MYH11: variants seen among roughly 807,000 people sequenced by gnomAD.
MYH11 encodes myosin-11.
MYH11 carries 80 observed loss-of-function variants against 246.6 expected under a neutral mutation model. The ratio of observed to expected loss-of-function variants is 0.32; its 90% confidence interval spans 0.27 to 0.39. MYH11 has a LOEUF of 0.39. MYH11 is among the 10% of genes least tolerant of loss of function. MYH11 has a pLI of 1.00. For synonymous variants in MYH11, 1,071 were observed against 1,015.5 expected (o/e 1.05, Z -1.04); for missense variants, 2,158 against 2,546.8 (o/e 0.85, Z 3.29).
intron 7 of MYH11, 56 bp downstream of exon 7, chr16:15,778,724 A>C: frequency 2.5e-5 from 38 of 1,529,790 alleles, no homozygotes; most frequent in Non-Finnish European, 3.1e-5. Flanking sequence ...GCCTCTGGGC[A>C]GGAGATTGGT....
At chr16:15,847,248 T>C (rs76856793) in intron 1 of MYH11, among the ~76,000 whole-genome samples, 1 of 33,406 alleles carries the variant, frequency 3.0e-5, no homozygotes, top group Admixed American at 4.7e-4. Context: ...GTGGACTTCT[T>C]TTTTTTTTTT....
chr16:15,720,771 T>C, intron 33 of MYH11, 68 bp downstream of exon 33: 3 of 1,467,044 alleles, frequency 2.0e-6, no homozygotes, highest in Non-Finnish European at 2.9e-6. Flanking sequence ...ACACCAACCA[T>C]GAGAGTGGTG....
At position 15,759,636 on chromosome 16, in the gene MYH11, G is replaced by A. The variant is rs200660016; in HGVS notation, c.1341C>T (p.Thr447=). 2.7e-5 allele frequency: 44 copies of A among 1,614,064 alleles called. No individual in the cohort carries two copies. Among genetic ancestry groups the A allele is most frequent in the Non-Finnish European group, 3.5e-5 (41 of 1,180,038 alleles). ...CCAGGAAGGAAGCCCCTTGCCGATGGGTCTTGTCCAGGGCTTTGTTCACGC... is the reference window on the plus strand; with the variant it reads ...CCAGGAAGGAAGCCCCTTGCCGATGAGTCTTGTCCAGGGCTTTGTTCACGC... ...LTRVNKALDK[T]HRQGASFLGI... The change falls in exon 12 of 41, where the codon ACC becomes ACT. Residue 447 remains threonine (T), a synonymous_variant. Transcript: ENST00000300036.
At chr16:15,758,963 CA>C (rs564088648) in intron 12 of MYH11, among the ~76,000 whole-genome samples, 81 of 97,350 alleles carry the variant, frequency 8.3e-4, no homozygotes, top group Middle Eastern at 7.1e-3. Context: ...GACTCTGTCT[CA>C]AAAAAAAAAA....
chr16:15,755,524 C>G (rs1567731692), intron 14 of MYH11, among the ~76,000 whole-genome samples: 1 of 152,160 alleles, frequency 6.6e-6, no homozygotes, highest in Admixed American at 6.5e-5. Flanking sequence ...TACAGTGGCT[C>G]GTGCTCATAA....
intron 37 of MYH11, 40 bp from the exon 38 acceptor site, chr16:15,717,388 A>C: frequency 6.3e-7 from 1 of 1,595,662 alleles, no homozygotes; most frequent in African/African-American, 1.3e-5. Flanking sequence ...GACTCAGGGA[A>C]GCCCAAGAGA....
rs1463240400 is a variant in MYH11, at chr16:15,724,173, C to A, written c.4353G>T (p.Arg1451Ser). 6.2e-7 allele frequency: 1 copy of A among 1,613,720 alleles called. No individual in the cohort carries two copies. Among genetic ancestry groups the A allele is most frequent in the South Asian group, 1.1e-5 (1 of 91,052 alleles). The change falls in exon 31 of 41, where the codon AGG becomes AGT. Residue 1451 changes from arginine (R) to serine (S), a missense_variant. Physicochemically the swap from Arg to Ser is moderately radical, Grantham distance 110. Around this residue, in one of 11 missense-constraint regions of MYH11, gnomAD observed 1,013 missense variants for 993.5 expected, o/e 1.02. Transcript: ENST00000300036. Reference sequence around the variant, plus strand: ...CCACGCCCTCTACCTGATCAAATTTCCTCTGCTTCTTTTCCAGGTTGGACA... The same window carrying A: ...CCACGCCCTCTACCTGATCAAATTTACTCTGCTTCTTTTCCAGGTTGGACA... The part of the protein sequence containing the change: ...QLVSNLEKKQ[R>S]KFDQLLAEEK...
Position 15,703,796 on chromosome 16 carries a change from C to T in MYH11, c.*195G>A. 1.4e-6 allele frequency: 1 copy of T among 733,808 alleles called. No homozygotes were observed. Among genetic ancestry groups the T allele is most frequent in the Admixed American group, 2.3e-5 (1 of 43,118 alleles). 45.5% of individuals were successfully genotyped at this position (733,808 alleles called of 1,614,324 possible). On this transcript the variant is annotated 3_prime_UTR_variant, in exon 41 of 41. Coordinates refer to ENST00000300036, the MANE Select transcript of MYH11 (RefSeq NM_002474.3). ...ATAGATGAGGTTTTACTACGTTGCC[C>T]AGGCTGGAGGGTGGTGGTTTTTATA...
intron 40 of MYH11, among the ~76,000 whole-genome samples, chr16:15,708,246 G>A (rs1203871901): frequency 3.3e-5 from 5 of 152,178 alleles, no homozygotes; most frequent in African/African-American, 7.2e-5. Context: ...CATTTCCTTC[G>A]CAGACAAGCC....
At position 15,724,273 on chromosome 16, in the gene MYH11, A is replaced by G; in HGVS notation, c.4253T>C (p.Leu1418Pro). ...CTGAAGCCTGTTCTTGGTCTTTTCCAGTTTATCATAAGCGGCCGCCTTCTC... is the reference window on the plus strand; with the variant it reads ...CTGAAGCCTGTTCTTGGTCTTTTCCGGTTTATCATAAGCGGCCGCCTTCTC... ...YEEKAAAYDK[L>P]EKTKNRLQQE... Residue 1418 changes from leucine (L) to proline (P), a missense_variant, in exon 31 of 41, where the codon CTG becomes CCG. This residue lies in a region of MYH11 where 1,013 missense variants were observed against 993.5 expected (regional missense o/e 1.02). Coordinates refer to ENST00000300036, the MANE Select transcript of MYH11 (RefSeq NM_002474.3). 6.2e-7 allele frequency: 1 copy of G among 1,614,174 alleles called. No individual in the cohort carries two copies. Among genetic ancestry groups the G allele is most frequent in the Non-Finnish European group, 8.5e-7 (1 of 1,180,030 alleles).
rs1555547379 is a variant in MYH11 at position 15,706,007 on chromosome 16, C to CAAAAAAA, written c.5787-1885_5787-1884insTTTTTTT. Among the ~76,000 whole-genome samples, 6 of 66,230 alleles carry CAAAAAAA rather than the reference C, an allele frequency of 9.1e-5. No homozygotes were observed. The South Asian group carries it at 1.4e-3, about 15-fold the overall frequency. The allele number at this position is 66,230 out of a possible 152,430, so 43.4% of individuals were successfully genotyped here. ...CTCAAAAAAAAAAAAAAAAAAAAAT[C>CAAAAAAA]AAGGCCCAGAGATTCATGATCACTG... On this transcript the variant is annotated intron_variant, in intron 40 of 40. Transcript: ENST00000300036.
intron 40 of MYH11, chr16:15,714,030 T>G: frequency 6.6e-6 from 1 of 152,352 alleles, no homozygotes; most frequent in South Asian, 2.1e-4. Context: ...GTTGGCCCGG[T>G]AGAAGCAGCA....
chr16:15,720,206 G>C lies in MYH11; in HGVS notation c.4898C>G (p.Ala1633Gly), dbSNP rs763622421. Residue 1633 changes from alanine to glycine, a missense_variant, in exon 34 of 41, where the codon GCC (alanine) becomes GGC (glycine). By Grantham distance (60) the Ala-to-Gly change is moderately conservative (BLOSUM62 0). Coordinates refer to ENST00000300036, the MANE Select transcript of MYH11 (RefSeq NM_002474.3). The part of the protein sequence containing the change: ...EGDLKDLELQ[A>G]DSAIKGREEA... ...CTCCCTCCCCTTGATGGCAGAGTCG[G>C]CCTGAAGCTCCAGGTCTTTCAGGTC... 6.2e-7 allele frequency: 1 copy of C among 1,614,086 alleles called. No homozygotes were observed. Among genetic ancestry groups the C allele is most frequent in the South Asian group, 1.1e-5 (1 of 91,076 alleles).
rs567036733 is a variant in MYH11, at chr16:15,855,675, G to C, written c.-18+1266C>G. On this transcript the variant is annotated intron_variant, in intron 1 of 40. Coordinates refer to ENST00000300036, the MANE Select transcript of MYH11 (RefSeq NM_002474.3). ...CCATCAACGGTAGCTATCTCAAAGGGAAAACATCAATTTCCTTCAAACAAA... is the reference window on the plus strand; with the variant it reads ...CCATCAACGGTAGCTATCTCAAAGGCAAAACATCAATTTCCTTCAAACAAA... Among the ~76,000 whole-genome samples the C allele has an allele frequency of 1.5e-3, 227 of 152,306 alleles. 5 individuals are homozygous for C. In the South Asian group the frequency reaches 0.042, roughly 28 times the overall value.
intron 14 of MYH11, 101 bp from the exon 15 acceptor site, chr16:15,753,609 G>A (rs1596783086): frequency 1.1e-6 from 1 of 897,970 alleles, no homozygotes; most frequent in East Asian, 2.5e-5. Context: ...GATCTTCTGA[G>A]GTCAGAGAGG....
intron 2 of MYH11, among the ~76,000 whole-genome samples, chr16:15,832,099 T>C (rs2043756247): frequency 6.6e-6 from 1 of 152,144 alleles, no homozygotes; most frequent in African/African-American, 2.4e-5. Flanking sequence ...TGGACACTGC[T>C]TCCAGAGTAG....
At chr16:15,714,728 G>T (rs943586733) in intron 40 of MYH11, 181 bp downstream of exon 40, 1 of 770,888 alleles carries the variant, frequency 1.3e-6, no homozygotes, top group East Asian at 2.5e-5. Context: ...GGCAGGGCCC[G>T]GGTCTGATCT....
chr16:15,703,755 A>C lies in MYH11; in HGVS notation c.*236T>G. The C allele has an allele frequency of 1.8e-6, 1 of 562,066 alleles. No homozygotes were observed. Among genetic ancestry groups the C allele is most frequent in the South Asian group, 1.8e-5 (1 of 55,726 alleles). The allele number at this position is 562,066 out of a possible 1,614,324, so 34.8% of individuals were successfully genotyped here. A position where few individuals can be genotyped will look rare whatever the true frequency, so the allele number is the denominator to read the frequency against. ...AGGTGTGTACCACCACGCCCAGCTT[A>C]TTTTTAAATTCTTGTATAGATGAGG... On this transcript the variant is annotated 3_prime_UTR_variant, in exon 41 of 41. Coordinates refer to ENST00000300036, the MANE Select transcript of MYH11 (RefSeq NM_002474.3).
In MYH11 at chr16:15,741,743, T is replaced by C. The variant is rs112982936; in HGVS notation, c.2652+17A>G. On this transcript the variant is annotated intron_variant, in intron 21 of 40. Coordinates refer to ENST00000300036, the MANE Select transcript of MYH11 (RefSeq NM_002474.3). The stretch of plus-strand genomic sequence containing the variant: ...TCCTGTTCCCCAGCAACCCCAGCCA[T>C]GCATCCATACAGGTACCTGCGAGTG... 24 of 1,614,014 alleles carry C rather than the reference T, an allele frequency of 1.5e-5. No homozygotes were observed. In the South Asian group the frequency reaches 1.8e-4, roughly 12 times the overall value.
Sources: gnomAD v4.1 joint callset for allele counts (sites outside exome capture counted in the v4.1 genomes callset) on GRCh38, gnomAD v4.1.1 for gene constraint, gnomAD v4.1.1 regional missense constraint, MANE v1.5 for transcripts, NCBI Gene and HGNC (gene_info 2026-07-23, HGNC 2026-07-21) for gene names.